The following ENPP3 variants were observed in gnomAD, a reference collection of about 807,000 sequenced individuals.
ENPP3 encodes the protein ectonucleotide pyrophosphatase/phosphodiesterase family member 3.
ENPP3 carries 104 observed loss-of-function variants against 117.8 expected under a neutral mutation model. The ratio of observed to expected loss-of-function variants is 0.88; its 90% CI spans 0.75 to 1.04. The LOEUF is 1.04. Among genes scored for constraint, ENPP3 ranks in the 50% least tolerant of loss-of-function variants. ENPP3 has a pLI of 0.00. For synonymous variants in ENPP3, 380 were observed against 349.9 expected (o/e 1.09, Z -0.96); for missense variants, 1,026 against 1,051.9 (o/e 0.98, Z 0.34).
At chr6:131,643,735 A>G (rs1177647143) in intron 2 of ENPP3, among the ~76,000 whole-genome samples, 1 of 152,132 alleles carries the variant, frequency 6.6e-6, no homozygotes, top group Non-Finnish European at 1.5e-5. Context: ...TTTTTGATTG[A>G]ACATTATGTG....
chr6:131,674,027 C>A, intron 7 of ENPP3, 135 bp from the exon 8 acceptor site: 1 of 570,546 alleles, frequency 1.8e-6, no homozygotes. Flanking sequence ...TATGTAAGTT[C>A]AGGTCCAGGT....
Position 131,693,581 on chromosome 6 carries a change from G to A in ENPP3, c.1369G>A (p.Asp457Asn), listed in dbSNP as rs200513651. 79 of 1,613,766 alleles carry A rather than the reference G, an allele frequency of 4.9e-5. 1 individual carries two copies. In the South Asian group the frequency reaches 6.7e-4, roughly 14 times the overall value. ...GCACTATGCCAAGAACGTCAGAATC[G>A]ACAAAGTTCATCTCTTTGTGGATCA... Reference protein sequence around the residue: ...RLHYAKNVRIDKVHLFVDQQW... With the variant: ...RLHYAKNVRINKVHLFVDQQW... The change falls in exon 15 of 25, where the codon GAC becomes AAC. Residue 457 changes from aspartate (D) to asparagine (N), a missense_variant. Transcript: ENST00000357639.
At chr6:131,670,836 T>C (rs1264687979) in intron 6 of ENPP3, among the ~76,000 whole-genome samples, 3 of 152,184 alleles carry the variant, frequency 2.0e-5, no homozygotes, top group Non-Finnish European at 4.4e-5. Context: ...GAATATTTTA[T>C]GACACGTAAA....
chr6:131,711,234 A>G (rs1356489802), intron 15 of ENPP3, among the ~76,000 whole-genome samples: 1 of 152,100 alleles, frequency 6.6e-6, no homozygotes, highest in African/African-American at 2.4e-5. Context: ...CTCTTGTTAC[A>G]CTTTACATCC....
chr6:131,662,198 C>T (rs796158244), intron 6 of ENPP3, among the ~76,000 whole-genome samples: 11 of 152,020 alleles, frequency 7.2e-5, no homozygotes, highest in African/African-American at 2.4e-4. Context: ...TTTTGAAGAT[C>T]GGTTGACCAT....
intron 1 of ENPP3, among the ~76,000 whole-genome samples, chr6:131,638,834 A>G (rs540827920): frequency 6.7e-6 from 1 of 149,428 alleles, no homozygotes; most frequent in African/African-American, 2.5e-5. Flanking sequence ...TTTTGGTAAT[A>G]TGTGTATTTT....
At chr6:131,649,942 T>C in intron 2 of ENPP3, 85 bp from the exon 3 acceptor site, 2 of 1,413,230 alleles carry the variant, frequency 1.4e-6, no homozygotes, top group Non-Finnish European at 2.0e-6. Flanking sequence ...GTCTGTGCTG[T>C]GTACTTCCTG....
intron 11 of ENPP3, among the ~76,000 whole-genome samples, chr6:131,682,229 C>T (rs933950284): frequency 2.0e-5 from 3 of 152,036 alleles, no homozygotes; most frequent in African/African-American, 7.3e-5. Context: ...CGTGTCAGCT[C>T]ACACCTGTAA....
chr6:131,679,509 CTT>C (rs57631097), intron 11 of ENPP3, among the ~76,000 whole-genome samples: 40 of 132,150 alleles, frequency 3.0e-4, no homozygotes, highest in African/African-American at 5.5e-4. Flanking sequence ...GTACCATGTC[CTT>C]TTTTTTTTTT....
chr6:131,647,267 C>T (rs572445324), intron 2 of ENPP3, among the ~76,000 whole-genome samples: 1 of 152,222 alleles, frequency 6.6e-6, no homozygotes, highest in South Asian at 2.1e-4. Flanking sequence ...TCATTAAAAC[C>T]ATGAACAATA....
At chr6:131,684,862 G>T (rs1779116267) in intron 12 of ENPP3, among the ~76,000 whole-genome samples, 1 of 152,048 alleles carries the variant, frequency 6.6e-6, no homozygotes, top group African/African-American at 2.4e-5. Context: ...TCGGCTCACT[G>T]CAACTGCCAC....
In ENPP3 at chr6:131,688,895, CCA is replaced by C. The variant is rs1491223397; in HGVS notation, c.1284+2989_1284+2990del. ...GGTGAAACCCGTCTCTACTAAAAATCCAAAAAAAAAAAAAAAAAAAAATAGCC... is the reference window on the plus strand; with the variant it reads ...GGTGAAACCCGTCTCTACTAAAAATCAAAAAAAAAAAAAAAAAAAATAGCC... On this transcript the variant is annotated intron_variant, in intron 14 of 24. Coordinates refer to ENST00000357639, the MANE Select transcript of ENPP3 (RefSeq NM_005021.5). 1.2e-3 allele frequency among the ~76,000 whole-genome samples: 124 copies of C among 100,232 alleles called. 1 individual carries two copies. The highest frequency in any genetic ancestry group is 8.3e-3 in the African/African-American group (115 of 13,914). The allele number at this position is 100,232 out of a possible 152,430, so 65.8% of individuals were successfully genotyped here. A position where few individuals can be genotyped will look rare whatever the true frequency, so the allele number is the denominator to read the frequency against.
At chr6:131,741,796 A>G (rs1387185408) in intron 24 of ENPP3, among the ~76,000 whole-genome samples, 2 of 152,180 alleles carry the variant, frequency 1.3e-5, no homozygotes, top group African/African-American at 4.8e-5. Context: ...ATGGGCATTG[A>G]TGTGGAAAGT....
chr6:131,735,417 T>C (rs1780374199), intron 21 of ENPP3, among the ~76,000 whole-genome samples: 3 of 152,064 alleles, frequency 2.0e-5, no homozygotes, highest in East Asian at 3.9e-4. Context: ...AAAGAGCTAC[T>C]TGTTTCTTCT....
intron 14 of ENPP3, among the ~76,000 whole-genome samples, chr6:131,692,284 C>A (rs1779297302): frequency 6.6e-6 from 1 of 151,938 alleles, no homozygotes. Context: ...TTTTCTTTTA[C>A]ATAAATAGAT....
At chr6:131,701,340 C>T (rs144915639) in intron 15 of ENPP3, 3 of 1,613,382 alleles carry the variant, frequency 1.9e-6, no homozygotes, top group South Asian at 2.2e-5. Flanking sequence ...CATCTGAATC[C>T]TTGGGCCAAC....
At chr6:131,656,543 A>T (rs1034118504) in intron 5 of ENPP3, among the ~76,000 whole-genome samples, 1 of 152,086 alleles carries the variant, frequency 6.6e-6, no homozygotes, top group Non-Finnish European at 1.5e-5. Context: ...TGAGGCAGGC[A>T]GATCACGAAG....
intron 20 of ENPP3, among the ~76,000 whole-genome samples, chr6:131,733,150 T>C (rs557462118): frequency 2.6e-5 from 4 of 152,234 alleles, no homozygotes; most frequent in Non-Finnish European, 5.9e-5. Flanking sequence ...AATCTTAGGT[T>C]GATAAAAAGT....
At chr6:131,695,912 T>A (rs1779394616) in intron 15 of ENPP3, among the ~76,000 whole-genome samples, 1 of 150,816 alleles carries the variant, frequency 6.6e-6, no homozygotes, top group African/African-American at 2.4e-5. Flanking sequence ...CAAGACTCTG[T>A]CTCAAAAAAA....
Sources: allele counts gnomAD v4.1 joint callset (sites outside exome capture counted in the v4.1 genomes callset), GRCh38; gene constraint gnomAD v4.1.1; transcripts MANE v1.5; gene names NCBI Gene and HGNC (gene_info 2026-07-23, HGNC 2026-07-21).